ABCC5: variants seen among roughly 807,000 people sequenced by gnomAD.
ABCC5 encodes ATP binding cassette subfamily C member 5, also known as ATP-binding cassette sub-family C member 5.
In ABCC5, 61 loss-of-function variants were observed where a neutral mutation model predicts 160.9. The ratio of observed to expected loss-of-function variants is 0.38; its 90% CI spans 0.31 to 0.47. ABCC5 has a LOEUF of 0.47. Among genes scored for constraint, ABCC5 ranks in the 20% least tolerant of loss-of-function variants. The pLI is 0.99. For missense variants in ABCC5, 1,308 were observed against 1,813.3 expected, an observed-to-expected ratio of 0.72 and a Z score of 5.06; for synonymous variants, 666 against 700.6, an observed-to-expected ratio of 0.95 and a Z score of 0.78.
At chr3:183,992,076 CCT>C (rs1274018610) in intron 2 of ABCC5, among the ~76,000 whole-genome samples, 1 of 152,178 alleles carries the variant, frequency 6.6e-6, no homozygotes, top group Non-Finnish European at 1.5e-5. Context: ...ATAAAGCAAA[CCT>C]CAACAAATCT....
chr3:183,947,200 A>G (rs956563585), intron 23 of ABCC5, 124 bp downstream of exon 23: 3 of 1,056,498 alleles, frequency 2.8e-6, no homozygotes, highest in Non-Finnish European at 3.9e-6. Flanking sequence ...GACCATGAGC[A>G]ATTCTAGGGG....
At chr3:183,959,673 C>T (rs2108814515) in intron 17 of ABCC5, 60 bp downstream of exon 17, 1 of 1,252,148 alleles carries the variant, frequency 8.0e-7, no homozygotes, top group Non-Finnish European at 1.2e-6. Flanking sequence ...TTACTTACTA[C>T]ACAAGTTATT....
intron 2 of ABCC5, 102 bp downstream of exon 2, chr3:184,014,162 C>T (rs1721993254): frequency 1.1e-5 from 13 of 1,137,404 alleles, no homozygotes; most frequent in South Asian, 4.4e-5. Flanking sequence ...CGTGAGCCAC[C>T]GCGCCCGGCC....
chr3:183,955,219 G>T (rs1715764127), intron 17 of ABCC5, among the ~76,000 whole-genome samples: 1 of 152,202 alleles, frequency 6.6e-6, no homozygotes, highest in Non-Finnish European at 1.5e-5. Flanking sequence ...AGACAGCTTT[G>T]CAGAGACATT....
intron 12 of ABCC5, among the ~76,000 whole-genome samples, chr3:183,967,075 G>A (rs977125927): frequency 6.6e-6 from 1 of 150,534 alleles, no homozygotes; most frequent in African/African-American, 2.4e-5. Flanking sequence ...TCAGTGGGAT[G>A]ACTCCGGCCC....
chr3:183,984,697 TC>T, intron 5 of ABCC5: 1 of 1,509,468 alleles, frequency 6.6e-7, no homozygotes, highest in Non-Finnish European at 8.8e-7. Flanking sequence ...ATTGCTTGGG[TC>T]ACCACTGTAT....
chr3:184,002,976 G>C (rs935538498), intron 2 of ABCC5, among the ~76,000 whole-genome samples: 4 of 152,100 alleles, frequency 2.6e-5, no homozygotes, highest in Non-Finnish European at 4.4e-5. Flanking sequence ...GGGCACAATC[G>C]GAATCAACAG....
At chr3:183,939,387 C>T (rs540908471) in intron 25 of ABCC5, among the ~76,000 whole-genome samples, 4 of 152,120 alleles carry the variant, frequency 2.6e-5, no homozygotes, top group Admixed American at 6.5e-5. Context: ...GAGCCAAGAT[C>T]GTATCATTGC....
chr3:183,961,865 C>T (rs946289477), intron 15 of ABCC5, among the ~76,000 whole-genome samples: 4 of 152,144 alleles, frequency 2.6e-5, no homozygotes, highest in African/African-American at 9.7e-5. Context: ...CTGCAATCTC[C>T]GCCTCCTGGG....
chr3:184,005,887 C>A (rs1378229024), intron 2 of ABCC5, among the ~76,000 whole-genome samples: 1 of 146,106 alleles, frequency 6.8e-6, no homozygotes, highest in Non-Finnish European at 1.5e-5. Context: ...GTTATCTTAA[C>A]CAAATAAAGA....
In ABCC5 at chr3:183,982,966, T is replaced by C; in HGVS notation, c.633A>G (p.Thr211=). 1 of 1,614,264 alleles carries C rather than the reference T, an allele frequency of 6.2e-7. No homozygotes were observed. The highest frequency in any genetic ancestry group is 8.5e-7 in the Non-Finnish European group (1 of 1,180,050). Residue 211 remains threonine (T), a synonymous_variant, in exon 6 of 30, where the codon ACA becomes ACG. Transcript: ENST00000334444. The surrounding 1 kb of genome is among the most constrained non-coding windows in gnomAD (Gnocchi z 5.2). ...ACAAGCTGTACTGCAGGTTAGACTCTGTTGCCTGGGTATACTCCAAGAGGT... is the reference window on the plus strand; with the variant it reads ...ACAAGCTGTACTGCAGGTTAGACTCCGTTGCCTGGGTATACTCCAAGAGGT... ...VKHLLEYTQA[T]ESNLQYSLLL... is the part of the protein sequence containing the mutation.
chr3:183,927,338 G>T lies in ABCC5; in HGVS notation c.4039C>A (p.His1347Asn). The change falls in exon 28 of 30, where the codon CAC becomes AAC. Residue 1347 changes from histidine to asparagine, a missense_variant. By Grantham distance (68) the His-to-Asn change is moderately conservative (BLOSUM62 1). Around this residue, in one of 3 missense-constraint regions of ABCC5, gnomAD observed 163 missense variants for 269.7 expected, o/e 0.60. Transcript: ENST00000334444. ...LLCIARALLR[H>N]CKILILDEAT... ...ACCCCAAACTGCCTTACCTTACAGT[G>T]GCGGAGCAGGGCTCTAGCTATGCAC... 1.2e-6 allele frequency: 2 copies of T among 1,612,676 alleles called. No homozygotes were observed. The highest frequency in any genetic ancestry group is 1.7e-6 in the Non-Finnish European group (2 of 1,179,334).
At chr3:183,924,919 G>A (rs1442553821) in intron 29 of ABCC5, among the ~76,000 whole-genome samples, 2 of 152,158 alleles carry the variant, frequency 1.3e-5, no homozygotes, top group Admixed American at 1.3e-4. Flanking sequence ...AAGGGCAAAG[G>A]GCCTTTTAGG....
At chr3:183,989,503 C>T in intron 2 of ABCC5, 120 bp from the exon 3 acceptor site, 3 of 1,047,646 alleles carry the variant, frequency 2.9e-6, no homozygotes, top group Non-Finnish European at 4.1e-6. Flanking sequence ...AAATTCCAAG[C>T]AAGGGTCAGG....
chr3:183,988,642 T>G lies in ABCC5; in HGVS notation c.373A>C (p.Lys125Gln), dbSNP rs1319657414. 1 of 1,614,144 alleles carries G rather than the reference T, an allele frequency of 6.2e-7. No individual in the cohort carries two copies. The highest frequency in any genetic ancestry group is 1.1e-5 in the South Asian group (1 of 91,080). Reference protein sequence around the residue: ...LSSLARVAHKKGELSMEDVWS... With the variant: ...LSSLARVAHKQGELSMEDVWS... ...ACGTCTTCCATTGAGAGCTCCCCCT[T>G]CTTGTGGGCCACACGGGCCAGAGAA... Residue 125 changes from lysine (K) to glutamine (Q), a missense_variant, in exon 4 of 30, where the codon AAG becomes CAG. Around this residue, in one of 3 missense-constraint regions of ABCC5, gnomAD observed 1,142 missense variants for 1,527.1 expected, o/e 0.75. Transcript: ENST00000334444. This position sits in a 1 kb window ranked among gnomAD's most constrained non-coding sequence, Gnocchi z 4.4.
At chr3:184,005,469 T>C (rs778751796) in intron 2 of ABCC5, among the ~76,000 whole-genome samples, 8 of 152,200 alleles carry the variant, frequency 5.3e-5, no homozygotes, top group Non-Finnish European at 1.0e-4. Flanking sequence ...TTAATTCTGC[T>C]CATTAGTGGA....
intron 2 of ABCC5, among the ~76,000 whole-genome samples, chr3:184,012,319 A>T (rs970098162): frequency 6.6e-6 from 1 of 152,146 alleles, no homozygotes; most frequent in African/African-American, 2.4e-5. Flanking sequence ...GGCATGCAGA[A>T]TTTCACCCGA....
At position 183,979,918 on chromosome 3, in the gene ABCC5, G is replaced by A. The variant is rs9882081; in HGVS notation, c.1148-1267C>T. 1.0e-2 allele frequency among the ~76,000 whole-genome samples: 1,501 copies of A among 150,188 alleles called. 23 individuals carry two copies. Among genetic ancestry groups the A allele is most frequent in the African/African-American group, 0.035 (1,410 of 40,776 alleles). On this transcript the variant is annotated intron_variant, in intron 8 of 29. Transcript: ENST00000334444. Reference sequence around the variant, plus strand: ...AAGACGGGAGTCTCACTCTGTTGCCGAGGCTGGAGTGCAGTGGTGTGATCT... The same window carrying A: ...AAGACGGGAGTCTCACTCTGTTGCCAAGGCTGGAGTGCAGTGGTGTGATCT...
At position 183,942,847 on chromosome 3, in the gene ABCC5, C is replaced by T. The variant is rs779130581; in HGVS notation, c.3574G>A (p.Glu1192Lys). The change falls in exon 25 of 30, where the codon GAG becomes AAG. Residue 1192 changes from glutamate (E) to lysine (K), a missense_variant. Glu to Lys is a moderately conservative substitution (Grantham distance 56). Transcript: ENST00000334444. ...APSPDWPQEG[E>K]VTFENAEMRY... Reference sequence around the variant, plus strand: ...ATCTCTGCGTTCTCAAAGGTCACCTCTCCCTCCTGGGGCCAGTCAGGGGAG... The same window carrying T: ...ATCTCTGCGTTCTCAAAGGTCACCTTTCCCTCCTGGGGCCAGTCAGGGGAG... 2 of 1,614,180 alleles carry T rather than the reference C, an allele frequency of 1.2e-6. No individual in the cohort carries two copies. The highest frequency in any genetic ancestry group is 2.2e-5 in the South Asian group (2 of 91,084).
Sources: allele counts gnomAD v4.1 joint callset (sites outside exome capture counted in the v4.1 genomes callset), GRCh38; gene constraint gnomAD v4.1.1; regional missense constraint gnomAD v4.1.1; non-coding constraint Gnocchi (gnomAD v3.1); transcripts MANE v1.5; gene names NCBI Gene and HGNC (gene_info 2026-07-23, HGNC 2026-07-21).